Variants in CCBE1 observed in about 807,000 individuals in gnomAD.
The protein encoded by CCBE1 is collagen and calcium-binding EGF domain-containing protein 1.
Under a neutral mutation model 50.0 loss-of-function variants are expected in CCBE1, and 37 were observed. The ratio of observed to expected loss-of-function variants is 0.74; its 90% CI spans 0.57 to 0.97. The LOEUF (loss-of-function observed/expected upper bound fraction) is 0.97, where lower values mean the gene tolerates loss of function less well. Among genes scored for constraint, CCBE1 ranks in the 50% least tolerant of loss-of-function variants. The probability of loss-of-function intolerance (pLI) is 0.00; values close to 1 mark genes in which losing one functional copy is unlikely to be tolerated. For synonymous variants in CCBE1, 234 were observed against 203.7 expected (o/e 1.15, Z -1.27); for missense variants, 538 against 523.8 (o/e 1.03, Z -0.26).
intron 5 of CCBE1, among the ~76,000 whole-genome samples, chr18:59,466,016 C>G (rs987334717): frequency 6.6e-6 from 1 of 152,074 alleles, no homozygotes; most frequent in Non-Finnish European, 1.5e-5. Context: ...TCCCTAGGTC[C>G]CATTTACAAT....
chr18:59,484,151 A>C (rs1211837272), intron 2 of CCBE1, among the ~76,000 whole-genome samples: 1 of 152,214 alleles, frequency 6.6e-6, no homozygotes, highest in Non-Finnish European at 1.5e-5. Context: ...CCTAACAACC[A>C]GAAGGAAAAC....
intron 2 of CCBE1, among the ~76,000 whole-genome samples, chr18:59,682,159 C>G (rs537736756): frequency 6.6e-6 from 1 of 152,174 alleles, no homozygotes; most frequent in African/African-American, 2.4e-5. Context: ...GTCTAGAAAT[C>G]GAGACCATCC....
rs1225843652 is a variant in CCBE1, at chr18:59,591,088, C to CA, written c.212+105540dup. 2.4e-5 allele frequency among the ~76,000 whole-genome samples: 2 copies of CA among 84,456 alleles called. 1 individual carries two copies. The highest frequency in any genetic ancestry group is 1.5e-4 in the African/African-American group (2 of 12,968). 55.4% of individuals were successfully genotyped at this position (84,456 alleles called of 152,430 possible). A position where few individuals can be genotyped will look rare whatever the true frequency, so the allele number is the denominator to read the frequency against. On this transcript the variant is annotated intron_variant, in intron 2 of 10. Transcript: ENST00000439986. ...TGAAACCCCGTCTCTACTAAAAATA[C>CA]AAAAAAAATTAGCCGGGCGTGATGG...
At chr18:59,520,710 A>G (rs1251674778) in intron 2 of CCBE1, among the ~76,000 whole-genome samples, 1 of 152,248 alleles carries the variant, frequency 6.6e-6, no homozygotes, top group African/African-American at 2.4e-5. Flanking sequence ...TCCTGACAGT[A>G]TATCATCCAT....
chr18:59,612,330 G>GAAAAAAAA (rs5825351), intron 2 of CCBE1, among the ~76,000 whole-genome samples: 1 of 130,694 alleles, frequency 7.7e-6, no homozygotes, highest in Admixed American at 7.7e-5. Flanking sequence ...AGAAAAAAAA[G>GAAAAAAAA]AAAAAAAAAA....
upstream of CCBE1, chr18:59,697,512 G>A: frequency 2.3e-6 from 2 of 863,206 alleles, no homozygotes; most frequent in South Asian, 1.8e-5. Flanking sequence ...GGGCTGGGGG[G>A]AAAATGAGGC....
chr18:59,591,469 A>G (rs1035953822), intron 2 of CCBE1, among the ~76,000 whole-genome samples: 1 of 152,216 alleles, frequency 6.6e-6, no homozygotes, highest in Non-Finnish European at 1.5e-5. Flanking sequence ...ATATGTATTA[A>G]TAATTACATA....
rs8098833 is a variant in CCBE1 at position 59,487,965 on chromosome 18, C to T, written c.213-7727G>A. Among the ~76,000 whole-genome samples the T allele has an allele frequency of 6.7e-3, 1,020 of 152,216 alleles. 8 individuals carry two copies. The highest frequency in any genetic ancestry group is 0.019 in the African/African-American group (769 of 41,544). ...ATCCCAATGTCCATCAATGGATGAA[C>T]GGATAAAGAGGTGGTACATACATAC... On this transcript the variant is annotated intron_variant, in intron 2 of 10. Coordinates refer to ENST00000439986, the MANE Select transcript of CCBE1 (RefSeq NM_133459.4).
At chr18:59,639,021 G>T (rs2053950126) in intron 2 of CCBE1, among the ~76,000 whole-genome samples, 1 of 152,178 alleles carries the variant, frequency 6.6e-6, no homozygotes, top group Non-Finnish European at 1.5e-5. Flanking sequence ...TGTAAAATTT[G>T]AGAGGGTAAA....
intron 2 of CCBE1, among the ~76,000 whole-genome samples, chr18:59,508,254 A>C (rs1913973013): frequency 6.6e-6 from 1 of 151,988 alleles, no homozygotes; most frequent in Non-Finnish European, 1.5e-5. Context: ...TTGGCTTTGG[A>C]GTCAGACCAG....
At chr18:59,522,961 C>T (rs1191482404) in intron 2 of CCBE1, among the ~76,000 whole-genome samples, 1 of 131,158 alleles carries the variant, frequency 7.6e-6, no homozygotes, top group African/African-American at 3.0e-5. Context: ...CACTGCACTC[C>T]AGCCTGGGCA....
chr18:59,580,308 T>C (rs1033402192), intron 2 of CCBE1, among the ~76,000 whole-genome samples: 1 of 152,224 alleles, frequency 6.6e-6, no homozygotes, highest in African/African-American at 2.4e-5. Flanking sequence ...GCCCCCTCCC[T>C]GCTTCAAGTT....
intron 2 of CCBE1, among the ~76,000 whole-genome samples, chr18:59,505,515 A>G (rs1196234015): frequency 2.0e-5 from 3 of 152,228 alleles, no homozygotes; most frequent in Admixed American, 2.0e-4. Flanking sequence ...TAAAAAATAG[A>G]TGCTAAAATT....
At chr18:59,548,837 G>T (rs1171768607) in intron 2 of CCBE1, among the ~76,000 whole-genome samples, 1 of 152,102 alleles carries the variant, frequency 6.6e-6, no homozygotes, top group Non-Finnish European at 1.5e-5. Context: ...GTATGCAATT[G>T]TAACACAATG....
rs117972302 is a variant in CCBE1 at position 59,533,246 on chromosome 18, T to C, written c.213-53008A>G. On this transcript the variant is annotated intron_variant, in intron 2 of 10. Coordinates refer to ENST00000439986, the MANE Select transcript of CCBE1 (RefSeq NM_133459.4). ...ATGTTAGAATTTTGTTAGTTTAAAA[T>C]TAAATGCTAGTGATATTAGAGGTAA... Among the ~76,000 whole-genome samples the C allele has an allele frequency of 2.2e-4, 34 of 152,332 alleles. No homozygotes were observed. The East Asian group carries it at 5.0e-3, about 22-fold the overall frequency.
intron 7 of CCBE1, among the ~76,000 whole-genome samples, chr18:59,446,669 C>T (rs1056642727): frequency 1.3e-5 from 2 of 152,202 alleles, no homozygotes; most frequent in Non-Finnish European, 2.9e-5. Flanking sequence ...CCACCTGTGT[C>T]CTTCCTCCTT....
chr18:59,666,604 A>AC (rs1276484839), intron 2 of CCBE1, among the ~76,000 whole-genome samples: 1 of 149,704 alleles, frequency 6.7e-6, no homozygotes, highest in Non-Finnish European at 1.5e-5. Flanking sequence ...GCTACAAGAC[A>AC]CTTTTTTTTT....
chr18:59,543,847 A>AAAAAAAAAAAAAAAAG (rs1915576051), intron 2 of CCBE1, among the ~76,000 whole-genome samples: 7 of 78,536 alleles, frequency 8.9e-5, no homozygotes, highest in South Asian at 9.0e-4. Context: ...AAAAAAAAAA[A>AAAAAAAAAAAAAAAAG]AAAAAAAAAA....
intron 2 of CCBE1, among the ~76,000 whole-genome samples, chr18:59,508,716 T>TTTTTC (rs1913998609): frequency 7.1e-6 from 1 of 141,526 alleles, no homozygotes; most frequent in African/African-American, 2.7e-5. Flanking sequence ...TTACGCTTTT[T>TTTTTC]TTTTTTTTTT....
Sources: allele counts gnomAD v4.1 joint callset (sites outside exome capture counted in the v4.1 genomes callset), GRCh38; gene constraint gnomAD v4.1.1; transcripts MANE v1.5; gene names NCBI Gene and HGNC (gene_info 2026-07-23, HGNC 2026-07-21).